HOOK3: variants seen among roughly 807,000 people sequenced by gnomAD.
HOOK3 encodes hook microtubule tethering protein 3.
Under a neutral mutation model 116.3 loss-of-function variants are expected in HOOK3, and 24 were observed. The observed-to-expected ratio is 0.21, with a 90% CI of 0.15 to 0.29. The LOEUF (loss-of-function observed/expected upper bound fraction) is 0.29, where lower values mean the gene tolerates loss of function less well. Among genes scored for constraint, HOOK3 ranks in the 10% least tolerant of loss-of-function variants. HOOK3 has a pLI of 1.00. For synonymous variants in HOOK3, 275 were observed against 283.0 expected, an observed-to-expected ratio of 0.97 and a Z score of 0.28; for missense variants, 632 against 830.2, an observed-to-expected ratio of 0.76 and a Z score of 2.93.
At chr8:42,994,148 T>C (rs1248179827) in intron 15 of HOOK3, among the ~76,000 whole-genome samples, 1 of 152,144 alleles carries the variant, frequency 6.6e-6, no homozygotes, top group Non-Finnish European at 1.5e-5. Context: ...CCAGAGTAGC[T>C]GGGACTATAG....
chr8:42,945,708 T>A (rs999775664), intron 5 of HOOK3, among the ~76,000 whole-genome samples: 2 of 152,190 alleles, frequency 1.3e-5, no homozygotes, highest in Non-Finnish European at 2.9e-5. Context: ...TTAGGTGGTG[T>A]TCAATGATTA....
intron 9 of HOOK3, among the ~76,000 whole-genome samples, chr8:42,966,255 A>G (rs1020171900): frequency 2.6e-5 from 4 of 152,166 alleles, no homozygotes; most frequent in African/African-American, 9.7e-5. Flanking sequence ...GCTTTCTGGT[A>G]GGGAAATAGT....
intron 2 of HOOK3, among the ~76,000 whole-genome samples, chr8:42,910,991 C>G (rs572917355): frequency 6.6e-6 from 1 of 152,046 alleles, no homozygotes; most frequent in Non-Finnish European, 1.5e-5. Flanking sequence ...GATTTCTTCA[C>G]GGAGGGAAGA....
In HOOK3 at chr8:43,018,765, T is replaced by C. The variant is rs1809767921; in HGVS notation, c.*267T>C. The stretch of plus-strand genomic sequence containing the variant: ...ATGTTGTATAATAGTGTAATACTTT[T>C]CTTTGTATGAAAATGTCCTCTTCTT... On this transcript the variant is annotated 3_prime_UTR_variant, in exon 22 of 22. Transcript: ENST00000307602. The C allele has an allele frequency of 3.1e-6, 1 of 325,356 alleles. No individual in the cohort carries two copies. Among genetic ancestry groups the C allele is most frequent in the Non-Finnish European group, 5.6e-6 (1 of 179,076 alleles). The allele number at this position is 325,356 out of a possible 1,614,324, so 20.2% of individuals were successfully genotyped here.
chr8:42,904,820 G>A (rs746164310), intron 1 of HOOK3, among the ~76,000 whole-genome samples: 6 of 152,058 alleles, frequency 3.9e-5, no homozygotes, highest in African/African-American at 7.2e-5. Context: ...GTACCAAGCT[G>A]CTCTTCATAC....
chr8:42,924,748 G>A (rs1807729604), intron 2 of HOOK3, among the ~76,000 whole-genome samples: 1 of 152,092 alleles, frequency 6.6e-6, no homozygotes, highest in South Asian at 2.1e-4. Context: ...CGAGGTGGAC[G>A]AATCACCTGA....
intron 19 of HOOK3, among the ~76,000 whole-genome samples, chr8:43,011,201 G>T (rs566101222): frequency 1.3e-5 from 2 of 152,176 alleles, no homozygotes; most frequent in Non-Finnish European, 2.9e-5. Context: ...CACTGTGTTA[G>T]CCAGGATGGG....
At chr8:42,906,040 T>C (rs1807299594) in intron 1 of HOOK3, 133 bp from the exon 2 acceptor site, 1 of 668,718 alleles carries the variant, frequency 1.5e-6, no homozygotes, top group Admixed American at 2.9e-5. Flanking sequence ...TGAGCCAAGA[T>C]GGGGCCATTG....
intron 3 of HOOK3, among the ~76,000 whole-genome samples, chr8:42,927,479 C>T (rs536304446): frequency 6.6e-6 from 1 of 152,158 alleles, no homozygotes; most frequent in African/African-American, 2.4e-5. Flanking sequence ...TGGTCTTGAA[C>T]TCCTAACCTC....
chr8:42,939,656 G>A (rs1484844432), intron 4 of HOOK3, among the ~76,000 whole-genome samples: 1 of 150,974 alleles, frequency 6.6e-6, no homozygotes, highest in African/African-American at 2.5e-5. Context: ...CGGGGTGGCT[G>A]CCGGGCAGAG....
rs866434458 is a variant in HOOK3, at chr8:43,021,126, A to C, written c.*2628A>C. The C allele has an allele frequency of 5.2e-3, 993 of 191,776 alleles. 20 individuals are homozygous for C. The highest frequency in any genetic ancestry group is 0.024 in the African/African-American group (941 of 40,036). The allele number at this position is 191,776 out of a possible 1,614,324, so 11.9% of individuals were successfully genotyped here. ...CAAGAAAAAAAAAAAAAAAAAAAAA[A>C]AAAAAAACAGTCTGTGAACTACTCA... On this transcript the variant is annotated 3_prime_UTR_variant, in exon 22 of 22. Transcript: ENST00000307602.
intron 4 of HOOK3, among the ~76,000 whole-genome samples, chr8:42,942,206 C>G (rs1036697817): frequency 1.3e-5 from 2 of 152,178 alleles, no homozygotes; most frequent in Non-Finnish European, 2.9e-5. Context: ...GAGCCGAGAT[C>G]ATGCCATTGC....
chr8:42,904,367 T>TGGC (rs1807260250), intron 1 of HOOK3, among the ~76,000 whole-genome samples: 1 of 149,194 alleles, frequency 6.7e-6, no homozygotes, highest in South Asian at 2.1e-4. Flanking sequence ...TGGAGTGCAG[T>TGGC]GGCATGATCT....
chr8:42,964,068 G>A (rs893559334), intron 8 of HOOK3, among the ~76,000 whole-genome samples: 6 of 152,160 alleles, frequency 3.9e-5, no homozygotes, highest in African/African-American at 1.4e-4. Flanking sequence ...TTAGCCAGGC[G>A]TGGTGGTGGG....
intron 14 of HOOK3, among the ~76,000 whole-genome samples, chr8:42,983,854 A>G (rs1247732887): frequency 6.6e-6 from 1 of 152,166 alleles, no homozygotes; most frequent in East Asian, 1.9e-4. Flanking sequence ...ATTGTCCATT[A>G]AAAGGAGACT....
intron 14 of HOOK3, among the ~76,000 whole-genome samples, chr8:42,985,403 A>T (rs1586622316): frequency 6.6e-6 from 1 of 152,252 alleles, no homozygotes; most frequent in Non-Finnish European, 1.5e-5. Flanking sequence ...TTAATGATAT[A>T]AAAAGATTGT....
chr8:42,936,140 A>T (rs1807965354), intron 4 of HOOK3, among the ~76,000 whole-genome samples: 1 of 152,110 alleles, frequency 6.6e-6, no homozygotes, highest in Admixed American at 6.6e-5. Flanking sequence ...TAGGTATTTT[A>T]TTCTCTTAGT....
At chr8:42,905,392 A>G (rs947289921) in intron 1 of HOOK3, among the ~76,000 whole-genome samples, 19 of 142,714 alleles carry the variant, frequency 1.3e-4, no homozygotes, top group Non-Finnish European at 1.9e-4. Flanking sequence ...CTTTCACTGC[A>G]TTGGCCTAAT....
At chr8:42,918,737 G>A (rs969935151) in intron 2 of HOOK3, among the ~76,000 whole-genome samples, 1 of 152,202 alleles carries the variant, frequency 6.6e-6, no homozygotes. Context: ...AGAGCAAGGG[G>A]TTGGGGGTAA....
Sources: allele counts gnomAD v4.1 joint callset (sites outside exome capture counted in the v4.1 genomes callset), GRCh38; gene constraint gnomAD v4.1.1; transcripts MANE v1.5; gene names NCBI Gene and HGNC (gene_info 2026-07-23, HGNC 2026-07-21).